PSD3: variants seen among roughly 807,000 people sequenced by gnomAD.
The protein encoded by PSD3 is pleckstrin and Sec7 domain containing 3, also known as PH and SEC7 domain-containing protein 3.
In PSD3, 49 loss-of-function variants were observed where a neutral mutation model predicts 105.5. That is an observed-to-expected ratio of 0.46 (90% confidence interval 0.37 to 0.59). The LOEUF is 0.59. Ranked by LOEUF, PSD3 falls within the 20% of genes least tolerant of loss-of-function variation. The pLI is 0.00. For missense variants in PSD3, 1,561 were observed against 1,263.8 expected, an observed-to-expected ratio of 1.24 and a Z score of -3.57; for synonymous variants, 557 against 457.8, an observed-to-expected ratio of 1.22 and a Z score of -2.77.
At chr8:18,591,114 T>C (rs887455140) in intron 12 of PSD3, among the ~76,000 whole-genome samples, 2 of 151,920 alleles carry the variant, frequency 1.3e-5, no homozygotes, top group African/African-American at 2.4e-5. Flanking sequence ...AGTGAAGAGG[T>C]TGTAGTACCC....
intron 1 of PSD3, among the ~76,000 whole-genome samples, chr8:18,943,392 C>A (rs554516605): frequency 2.0e-5 from 3 of 152,160 alleles, no homozygotes; most frequent in African/African-American, 7.2e-5. Flanking sequence ...ACTAAAAGCA[C>A]AGTAAAGAGA....
At chr8:18,819,344 C>A (rs1474011983) in intron 4 of PSD3, among the ~76,000 whole-genome samples, 4 of 152,054 alleles carry the variant, frequency 2.6e-5, no homozygotes, top group Non-Finnish European at 5.9e-5. Context: ...AAAAAGAATC[C>A]TTCAGAACCA....
At chr8:18,571,883 G>A (rs1003831069) in intron 14 of PSD3, among the ~76,000 whole-genome samples, 9 of 132,792 alleles carry the variant, frequency 6.8e-5, no homozygotes, top group Non-Finnish European at 1.5e-4. Context: ...GGTTTAAAAT[G>A]AGCAAACCTA....
chr8:18,842,909 G>T (rs991787568), intron 4 of PSD3, among the ~76,000 whole-genome samples: 1 of 152,132 alleles, frequency 6.6e-6, no homozygotes, highest in African/African-American at 2.4e-5. Context: ...CCTCTTGCCA[G>T]AACACATGGA....
At chr8:18,933,337 ATTTGG>A (rs1821869354) in intron 2 of PSD3, among the ~76,000 whole-genome samples, 1 of 152,076 alleles carries the variant, frequency 6.6e-6, no homozygotes, top group Non-Finnish European at 1.5e-5. Flanking sequence ...CTATGTAGAC[ATTTGG>A]TATTATCTCT....
Position 18,564,923 on chromosome 8 carries a change from G to C in PSD3, c.2784+7605C>G, listed in dbSNP as rs138214110. On this transcript the variant is annotated intron_variant, in intron 14 of 15. Transcript: ENST00000327040. Reference sequence around the variant, plus strand: ...TTAAGTCTGACCAAAAAAGTATTTAGTACCCATGGATTCAAACTTTTATAA... The same window carrying C: ...TTAAGTCTGACCAAAAAAGTATTTACTACCCATGGATTCAAACTTTTATAA... Among the ~76,000 whole-genome samples the C allele has an allele frequency of 5.7e-3, 864 of 152,168 alleles. 11 individuals carry two copies. Among genetic ancestry groups the C allele is most frequent in the African/African-American group, 0.02 (841 of 41,508 alleles).
intron 1 of PSD3, among the ~76,000 whole-genome samples, chr8:18,938,856 C>G (rs941716023): frequency 2.0e-5 from 3 of 152,160 alleles, no homozygotes; most frequent in Non-Finnish European, 4.4e-5. Context: ...ATCCTAGATT[C>G]ACACCCGAGC....
chr8:18,733,876 A>G (rs1803952031), intron 9 of PSD3: 1 of 152,642 alleles, frequency 6.6e-6, no homozygotes, highest in South Asian at 2.1e-4. Flanking sequence ...CAATTATGGG[A>G]AAATGAAAAA....
intron 1 of PSD3, among the ~76,000 whole-genome samples, chr8:19,030,158 G>A (rs2129476183): frequency 6.6e-6 from 1 of 152,228 alleles, no homozygotes; most frequent in Middle Eastern, 3.4e-3. Flanking sequence ...TGCCTAATTT[G>A]CTGAAAGTTA....
chr8:18,600,761 C>A (rs1430819794), intron 11 of PSD3, among the ~76,000 whole-genome samples: 2 of 152,146 alleles, frequency 1.3e-5, no homozygotes, highest in Non-Finnish European at 2.9e-5. Context: ...TGGCTGACAA[C>A]AGACTGGGTA....
chr8:18,694,546 C>A (rs1246145644), intron 9 of PSD3, among the ~76,000 whole-genome samples: 1 of 151,234 alleles, frequency 6.6e-6, no homozygotes, highest in Non-Finnish European at 1.5e-5. Flanking sequence ...GGAGGCAGAG[C>A]TTGCAGTGAG....
intron 7 of PSD3, among the ~76,000 whole-genome samples, chr8:18,800,835 G>T (rs1246415577): frequency 3.9e-5 from 6 of 152,224 alleles, no homozygotes; most frequent in South Asian, 4.1e-4. Flanking sequence ...CAGGATACAT[G>T]AGCTTTCATC....
chr8:18,574,961 T>C (rs1585280122), intron 13 of PSD3, among the ~76,000 whole-genome samples, 167 bp downstream of exon 13: 1 of 152,224 alleles, frequency 6.6e-6, no homozygotes, highest in Admixed American at 6.5e-5. Flanking sequence ...GGTTTCTATT[T>C]TTTTTTACTC....
intron 1 of PSD3, among the ~76,000 whole-genome samples, chr8:18,973,985 C>T (rs1824792416): frequency 6.6e-6 from 1 of 152,146 alleles, no homozygotes; most frequent in African/African-American, 2.4e-5. Flanking sequence ...GGACAGGATC[C>T]CAGACCATCA....
At chr8:18,865,227 TATATATATATATATA>T (rs1816739935) in intron 4 of PSD3, 5 of 4,418 alleles carry the variant, frequency 1.1e-3, no homozygotes, top group Non-Finnish European at 1.5e-3. Context: ...TTCTATGTTA[TATATATATATATATA>T]TATATATATA....
At chr8:19,065,268 T>G (rs1336619900) in intron 1 of PSD3, among the ~76,000 whole-genome samples, 1 of 152,220 alleles carries the variant, frequency 6.6e-6, no homozygotes, top group African/African-American at 2.4e-5. Flanking sequence ...ACAGAAGATT[T>G]CTGTGACCAA....
intron 4 of PSD3, among the ~76,000 whole-genome samples, chr8:18,825,234 C>T (rs2129449816): frequency 6.6e-6 from 1 of 152,232 alleles, no homozygotes; most frequent in Non-Finnish European, 1.5e-5. Context: ...AAAAGGCATC[C>T]TAAGTTCTAA....
intron 4 of PSD3, among the ~76,000 whole-genome samples, chr8:18,806,658 T>C (rs1052362820): frequency 2.6e-5 from 4 of 152,246 alleles, no homozygotes; most frequent in African/African-American, 4.8e-5. Context: ...TGCTTTGTTG[T>C]TGTTGTTTTG....
intron 9 of PSD3, among the ~76,000 whole-genome samples, chr8:18,670,120 C>A (rs2022828567): frequency 6.6e-6 from 1 of 152,092 alleles, no homozygotes; most frequent in South Asian, 2.1e-4. Context: ...GTAGCCGTAG[C>A]CTGGATGGTC....
Sources: allele counts gnomAD v4.1 joint callset (sites outside exome capture counted in the v4.1 genomes callset), GRCh38; gene constraint gnomAD v4.1.1; transcripts MANE v1.5; gene names NCBI Gene and HGNC (gene_info 2026-07-23, HGNC 2026-07-21).